TENM3: variants seen among roughly 807,000 people sequenced by gnomAD.
The protein encoded by TENM3 is teneurin transmembrane protein 3.
In TENM3, 63 loss-of-function variants were observed where a neutral mutation model predicts 255.1. That is an observed-to-expected ratio of 0.25 (90% CI 0.20 to 0.30). The LOEUF (loss-of-function observed/expected upper bound fraction) is 0.30. Among genes scored for constraint, TENM3 ranks in the 10% least tolerant of loss-of-function variants. The pLI is 1.00. For missense variants in TENM3, 2,929 were observed against 3,461.1 expected, an observed-to-expected ratio of 0.85 and a Z score of 3.86; for synonymous variants, 1,306 against 1,322.3, an observed-to-expected ratio of 0.99 and a Z score of 0.27.
At chr4:181,811,642 A>G in the TENM3 span, among the ~76,000 whole-genome samples, 1 of 152,234 alleles carries the variant, frequency 6.6e-6, no homozygotes, top group African/African-American at 2.4e-5. Flanking sequence ...AGCATGAGCA[A>G]AAGGGCGTCT....
At chr4:181,789,447 G>A in the TENM3 span, among the ~76,000 whole-genome samples, 27 of 151,648 alleles carry the variant, frequency 1.8e-4, no homozygotes, top group South Asian at 5.4e-3. Context: ...AGTAGAGATG[G>A]GGTTTTGCCA....
the TENM3 span, among the ~76,000 whole-genome samples, chr4:182,100,448 A>AAATATAT: frequency 9.6e-5 from 11 of 114,696 alleles, 1 homozygote; most frequent in East Asian, 4.7e-4. Context: ...TAAAAAAAAA[A>AAATATAT]ATATATATAT....
At chr4:182,384,303 G>A (rs1767757979) in intron 3 of TENM3, among the ~76,000 whole-genome samples, 1 of 125,762 alleles carries the variant, frequency 8.0e-6, no homozygotes, top group Non-Finnish European at 1.6e-5. Context: ...AATGTCTGCT[G>A]TGGTTCAGTT....
chr4:181,932,214 C>A, the TENM3 span, among the ~76,000 whole-genome samples: 2 of 152,156 alleles, frequency 1.3e-5, no homozygotes, highest in African/African-American at 4.8e-5. Context: ...AAGAAACTAT[C>A]ATCAGAGTGA....
At chr4:182,066,597 A>AT in the TENM3 span, among the ~76,000 whole-genome samples, 1 of 24,416 alleles carries the variant, frequency 4.1e-5, no homozygotes, top group African/African-American at 6.6e-5. Context: ...TGGTAAAAAA[A>AT]AAATATATAT....
chr4:181,674,439 A>T, the TENM3 span, among the ~76,000 whole-genome samples: 1 of 151,044 alleles, frequency 6.6e-6, no homozygotes, highest in African/African-American at 2.4e-5. Flanking sequence ...CTCATGTTAA[A>T]TTAAGTATTG....
At chr4:181,542,269 C>T in the TENM3 span, among the ~76,000 whole-genome samples, 1 of 152,198 alleles carries the variant, frequency 6.6e-6, no homozygotes, top group South Asian at 2.1e-4. Flanking sequence ...GTGGGGACTC[C>T]GTTGATCTGG....
At chr4:182,437,784 C>A (rs1353952059) in intron 3 of TENM3, among the ~76,000 whole-genome samples, 1 of 143,992 alleles carries the variant, frequency 6.9e-6, no homozygotes, top group East Asian at 2.1e-4. Context: ...GATGACAGAG[C>A]GAGACTCCGT....
chr4:181,518,870 T>A, the TENM3 span, among the ~76,000 whole-genome samples: 1 of 152,152 alleles, frequency 6.6e-6, no homozygotes, highest in Admixed American at 6.5e-5. Context: ...TACTGTCCCA[T>A]CCAAGGTACC....
the TENM3 span, among the ~76,000 whole-genome samples, chr4:181,547,035 AC>A: frequency 1.3e-5 from 2 of 151,974 alleles, no homozygotes; most frequent in African/African-American, 2.4e-5. Context: ...AAATGATCCT[AC>A]CCCCATTTTT....
intron 1 of TENM3, among the ~76,000 whole-genome samples, chr4:182,296,272 T>C (rs186433797): frequency 1.3e-5 from 2 of 152,338 alleles, no homozygotes; most frequent in Non-Finnish European, 2.9e-5. Context: ...AAATTACCCA[T>C]ATACTATTTT....
chr4:182,455,697 G>C (rs150613813), intron 3 of TENM3, among the ~76,000 whole-genome samples: 6,023 of 151,430 alleles, frequency 0.04, 173 homozygotes, highest in Non-Finnish European at 0.058. Flanking sequence ...GAGTAGCTGG[G>C]ATTACAGGCG....
At position 182,630,077 on chromosome 4, in the gene TENM3, T is replaced by G. The variant is rs1227215224; in HGVS notation, c.988+1188T>G. Among the ~76,000 whole-genome samples, 11 of 152,270 alleles carry G rather than the reference T, an allele frequency of 7.2e-5. No homozygotes were observed. The East Asian group carries it at 1.9e-3, about 27-fold the overall frequency. On this transcript the variant is annotated intron_variant, in intron 5 of 27. Transcript: ENST00000511685. Reference sequence around the variant, plus strand: ...TACATGCTGCTTATCTTCATCAGAGTGCTTCATACAGTACCTCTGACGGCC... The same window carrying G: ...TACATGCTGCTTATCTTCATCAGAGGGCTTCATACAGTACCTCTGACGGCC...
the TENM3 span, among the ~76,000 whole-genome samples, chr4:181,548,713 A>C: frequency 6.6e-6 from 1 of 152,198 alleles, no homozygotes; most frequent in East Asian, 1.9e-4. Context: ...ATTAATAAAC[A>C]GACATACCAC....
At chr4:182,344,262 G>T (rs901974933) in intron 2 of TENM3, among the ~76,000 whole-genome samples, 10 of 151,982 alleles carry the variant, frequency 6.6e-5, no homozygotes, top group African/African-American at 2.4e-4. Context: ...CTCTCCTAGG[G>T]GAAACTAAAA....
the TENM3 span, among the ~76,000 whole-genome samples, chr4:181,556,391 G>A: frequency 6.6e-6 from 1 of 151,906 alleles, no homozygotes; most frequent in East Asian, 1.9e-4. Context: ...ATAATGTACA[G>A]TATATCAATT....
chr4:181,513,865 G>A, the TENM3 span, among the ~76,000 whole-genome samples: 1 of 152,134 alleles, frequency 6.6e-6, no homozygotes, highest in African/African-American at 2.4e-5. Flanking sequence ...CTTGACGTAG[G>A]CTAGCTCTTG....
the TENM3 span, among the ~76,000 whole-genome samples, chr4:182,058,304 A>T: frequency 0.059 from 8,958 of 152,088 alleles, 360 homozygotes; most frequent in Middle Eastern, 0.13. Context: ...GAATCAAGAG[A>T]TACCATTTGC....
chr4:182,151,505 A>T (rs1436728586), intron 1 of TENM3, among the ~76,000 whole-genome samples: 1 of 152,106 alleles, frequency 6.6e-6, no homozygotes, highest in Admixed American at 6.6e-5. Flanking sequence ...CTCTTAAGAA[A>T]ATTGGCACAG....
Sources: gnomAD v4.1 joint callset for allele counts (sites outside exome capture counted in the v4.1 genomes callset) on GRCh38, gnomAD v4.1.1 for gene constraint, MANE v1.5 for transcripts, NCBI Gene and HGNC (gene_info 2026-07-23, HGNC 2026-07-21) for gene names.